Variants in NALCN observed in about 807,000 individuals in gnomAD.
NALCN encodes sodium leak channel NALCN.
NALCN carries 111 observed loss-of-function variants against 225.3 expected under a neutral mutation model. The ratio of observed to expected loss-of-function variants is 0.49; its 90% CI spans 0.42 to 0.58. The LOEUF is 0.58. NALCN is among the 20% of genes least tolerant of loss of function. The pLI, the probability that NALCN is intolerant of heterozygous loss-of-function variation, is 0.00. For synonymous variants in NALCN, 764 were observed against 769.0 expected (o/e 0.99, Z 0.11); for missense variants, 1,378 against 2,202.4 (o/e 0.63, Z 7.49).
intron 33 of NALCN, among the ~76,000 whole-genome samples, chr13:101,082,286 T>C (rs1329612117): frequency 6.6e-6 from 1 of 151,702 alleles, no homozygotes; most frequent in Non-Finnish European, 1.5e-5. Context: ...CAAATCTGTG[T>C]TCTCTACACT....
chr13:101,174,763 A>T (rs1031471987), intron 15 of NALCN, among the ~76,000 whole-genome samples: 2 of 152,204 alleles, frequency 1.3e-5, no homozygotes, highest in African/African-American at 4.8e-5. Context: ...AAGCATATGG[A>T]ACCTGGCGGT....
chr13:101,089,772 G>C lies in NALCN; in HGVS notation c.3391-11C>G. The C allele has an allele frequency of 6.2e-7, 1 of 1,613,920 alleles. No homozygotes were observed. The highest frequency in any genetic ancestry group is 8.5e-7 in the Non-Finnish European group (1 of 1,179,884). On this transcript the variant is annotated splice_polypyrimidine_tract_variant and intron_variant, in intron 29 of 43. Coordinates refer to ENST00000251127, the MANE Select transcript of NALCN (RefSeq NM_052867.4). This position sits in a 1 kb window ranked among gnomAD's most constrained non-coding sequence, Gnocchi z 4.7. ...ATAGATTCCATGGATCTGCATAAAG[G>C]AAAATATGGTTATTCATCAAAACAA...
chr13:101,414,160 T>C (rs957313194), intron 1 of NALCN, among the ~76,000 whole-genome samples: 1 of 152,030 alleles, frequency 6.6e-6, no homozygotes, highest in African/African-American at 2.4e-5. Context: ...GCTGGGATTA[T>C]AGGCATGAGC....
At position 101,408,468 on chromosome 13, in the gene NALCN, T is replaced by C. The variant is rs148927211; in HGVS notation, c.-40+7845A>G. Among the ~76,000 whole-genome samples the C allele has an allele frequency of 7.9e-5, 12 of 152,268 alleles. No homozygotes were observed. The East Asian group carries it at 2.3e-3, about 29-fold the overall frequency. The stretch of plus-strand genomic sequence containing the variant: ...TCCCCCAGCAACACAGCAGAGAACA[T>C]GTTAGCAGGAGAACTAAGACAGCAT... On this transcript the variant is annotated intron_variant, in intron 1 of 43. Coordinates refer to ENST00000251127, the MANE Select transcript of NALCN (RefSeq NM_052867.4).
At chr13:101,366,159 G>A (rs2046372125) in intron 6 of NALCN, among the ~76,000 whole-genome samples, 1 of 152,098 alleles carries the variant, frequency 6.6e-6, no homozygotes, top group Non-Finnish European at 1.5e-5. Flanking sequence ...TTTAGGAAAT[G>A]AGCTGCTTTG....
chr13:101,284,072 G>A (rs2043257841), intron 9 of NALCN, 53 bp from the exon 10 acceptor site: 4 of 1,454,498 alleles, frequency 2.8e-6, no homozygotes, highest in South Asian at 1.2e-5. Context: ...GGAACATTGA[G>A]AACTCTATGT....
intron 12 of NALCN, among the ~76,000 whole-genome samples, chr13:101,230,506 A>T (rs1195560377): frequency 6.6e-6 from 1 of 152,230 alleles, no homozygotes; most frequent in Non-Finnish European, 1.5e-5. Flanking sequence ...GACTGGGTTC[A>T]GACCTACGGA....
chr13:101,175,126 G>T (rs1286402718), intron 15 of NALCN, among the ~76,000 whole-genome samples: 1 of 152,198 alleles, frequency 6.6e-6, no homozygotes, highest in East Asian at 1.9e-4. Flanking sequence ...AGACGGGGAA[G>T]AAATCATCTC....
Position 101,083,699 on chromosome 13 carries a change from C to T in NALCN, c.3583+12G>A. On this transcript the variant is annotated intron_variant, in intron 31 of 43. Coordinates refer to ENST00000251127, the MANE Select transcript of NALCN (RefSeq NM_052867.4). ...GTGCCCAACATGAATAAAATCAGAG[C>T]ATTTTGGGTACCCGGGCGAGGCGGA... 1 of 1,612,126 alleles carries T rather than the reference C, an allele frequency of 6.2e-7. No individual in the cohort carries two copies. Among genetic ancestry groups the T allele is most frequent in the Non-Finnish European group, 8.5e-7 (1 of 1,178,482 alleles).
chr13:101,199,275 A>AT (rs1218137988), intron 13 of NALCN, among the ~76,000 whole-genome samples: 2 of 151,978 alleles, frequency 1.3e-5, no homozygotes, highest in African/African-American at 2.4e-5. Context: ...GTACCCTAAA[A>AT]TTTAAAGTAT....
chr13:101,146,067 G>T (rs1329314674), intron 15 of NALCN, among the ~76,000 whole-genome samples: 1 of 152,086 alleles, frequency 6.6e-6, no homozygotes, highest in Non-Finnish European at 1.5e-5. Context: ...GCTTCTTTTT[G>T]GGGAAACATT....
At chr13:101,276,062 CAAAAA>C (rs59471123) in intron 10 of NALCN, among the ~76,000 whole-genome samples, 22 of 84,312 alleles carry the variant, frequency 2.6e-4, no homozygotes, top group Middle Eastern at 6.6e-3. Flanking sequence ...GACTCCTTCT[CAAAAA>C]AAAAAAAAAA....
chr13:101,290,389 A>G (rs2043509785), intron 9 of NALCN, among the ~76,000 whole-genome samples: 3 of 152,316 alleles, frequency 2.0e-5, no homozygotes, highest in Admixed American at 2.0e-4. Flanking sequence ...TCATAACTGA[A>G]AACATGTCCT....
chr13:101,116,115 G>A (rs1453978574), intron 18 of NALCN, among the ~76,000 whole-genome samples: 3 of 152,094 alleles, frequency 2.0e-5, no homozygotes. Context: ...ACCTTTGAAA[G>A]TAAAACAAGA....
intron 17 of NALCN, among the ~76,000 whole-genome samples, chr13:101,128,040 G>A (rs980925982): frequency 2.6e-5 from 4 of 152,148 alleles, no homozygotes; most frequent in African/African-American, 7.2e-5. Flanking sequence ...TTTCAGATCT[G>A]AAATTGTAAA....
At chr13:101,192,569 T>C (rs2039724761) in intron 13 of NALCN, among the ~76,000 whole-genome samples, 1 of 152,116 alleles carries the variant, frequency 6.6e-6, no homozygotes, top group Non-Finnish European at 1.5e-5. Context: ...CTAAGTGATA[T>C]TGCCACACTG....
At chr13:101,214,550 C>A (rs1460709826) in intron 13 of NALCN, among the ~76,000 whole-genome samples, 1 of 151,944 alleles carries the variant, frequency 6.6e-6, no homozygotes, top group Non-Finnish European at 1.5e-5. Context: ...AAAAATGATT[C>A]AAAAACCCCA....
intron 7 of NALCN, among the ~76,000 whole-genome samples, chr13:101,300,678 A>C (rs987979869): frequency 3.3e-5 from 5 of 152,222 alleles, no homozygotes; most frequent in African/African-American, 1.2e-4. Flanking sequence ...GCCTGTAATA[A>C]TAATCTTCAA....
At chr13:101,276,414 C>T (rs1055659578) in intron 10 of NALCN, among the ~76,000 whole-genome samples, 1 of 152,136 alleles carries the variant, frequency 6.6e-6, no homozygotes, top group African/African-American at 2.4e-5. Context: ...CGTTAAAGAG[C>T]TCACCACATA....
Sources: allele counts gnomAD v4.1 joint callset (sites outside exome capture counted in the v4.1 genomes callset), GRCh38; gene constraint gnomAD v4.1.1; non-coding constraint Gnocchi (gnomAD v3.1); transcripts MANE v1.5; gene names NCBI Gene and HGNC (gene_info 2026-07-23, HGNC 2026-07-21).